The following TNFAIP8L3 variants were observed in gnomAD, a reference collection of about 807,000 sequenced individuals.
TNFAIP8L3 encodes the protein tumor necrosis factor alpha-induced protein 8-like protein 3.
A neutral mutation model predicts 11.8 loss-of-function variants in TNFAIP8L3; 7 were observed. The observed-to-expected ratio is 0.59, with a 90% CI of 0.34 to 1.11. TNFAIP8L3 has a LOEUF of 1.11. TNFAIP8L3 is among the 50% of genes most tolerant of loss of function. The pLI is 0.03. For missense variants in TNFAIP8L3, 219 were observed against 258.6 expected (o/e 0.85, Z 1.05); for synonymous variants, 98 against 103.8 (o/e 0.94, Z 0.34).
At position 51,058,450 on chromosome 15, in the gene TNFAIP8L3, T is replaced by G; in HGVS notation, c.53-7A>C. On this transcript the variant is annotated splice_polypyrimidine_tract_variant and splice_region_variant and intron_variant, in intron 1 of 1. Transcript: ENST00000637513. Reference sequence around the variant, plus strand: ...GAACTAAAAACATCAGGACCTATGGTAAAAAAAATATATATAAAAGTTTTA... The same window carrying G: ...GAACTAAAAACATCAGGACCTATGGGAAAAAAAATATATATAAAAGTTTTA... The G allele has an allele frequency of 6.7e-7, 1 of 1,497,672 alleles. No homozygotes were observed. Among genetic ancestry groups the G allele is most frequent in the East Asian group, 2.4e-5 (1 of 42,260 alleles). 92.8% of individuals were successfully genotyped at this position (1,497,672 alleles called of 1,614,324 possible).
intron 1 of TNFAIP8L3, among the ~76,000 whole-genome samples, chr15:51,090,463 G>A (rs1407294048): frequency 6.6e-6 from 1 of 152,124 alleles, no homozygotes; most frequent in African/African-American, 2.4e-5. Context: ...AATCATGGGG[G>A]CTCCAGAAGC....
intron 1 of TNFAIP8L3, among the ~76,000 whole-genome samples, chr15:51,062,252 T>C (rs1052392036): frequency 2.0e-5 from 3 of 151,850 alleles, no homozygotes; most frequent in Non-Finnish European, 2.9e-5. Context: ...CCAGCCTGTG[T>C]GACAGAGTGA....
At chr15:51,104,670 C>T (rs1335726394) in intron 1 of TNFAIP8L3, among the ~76,000 whole-genome samples, 2 of 152,352 alleles carry the variant, frequency 1.3e-5, no homozygotes, top group East Asian at 3.9e-4. Flanking sequence ...GAGGTTTTGG[C>T]TCTCTGACCT....
intron 1 of TNFAIP8L3, among the ~76,000 whole-genome samples, chr15:51,085,921 A>G (rs1395979261): frequency 2.0e-5 from 3 of 152,188 alleles, no homozygotes; most frequent in Non-Finnish European, 4.4e-5. Flanking sequence ...ATGAGCTTGC[A>G]CTTTTTTGGT....
chr15:51,094,519 C>T lies in TNFAIP8L3; in HGVS notation c.52+25G>A, dbSNP rs1223247454. 2 of 1,479,170 alleles carry T rather than the reference C, an allele frequency of 1.4e-6. No homozygotes were observed. The highest frequency in any genetic ancestry group is 2.2e-5 in the Admixed American group (1 of 44,892). The allele number at this position is 1,479,170 out of a possible 1,614,324, so 91.6% of individuals were successfully genotyped here. ...TCCTCCCCAGCCCCAGCCCACCCGC[C>T]TGGGCCGTCGCGGCCCCTAGGTACC... On this transcript the variant is annotated intron_variant, in intron 1 of 1. Transcript: ENST00000637513. This position sits in a 1 kb window ranked among gnomAD's most constrained non-coding sequence, Gnocchi z 4.4.
chr15:51,059,244 C>T (rs753752133), intron 1 of TNFAIP8L3, among the ~76,000 whole-genome samples: 18 of 152,088 alleles, frequency 1.2e-4, no homozygotes, highest in Non-Finnish European at 2.5e-4. Flanking sequence ...GAAAACCAGA[C>T]CCAATTTATT....
intron 1 of TNFAIP8L3, among the ~76,000 whole-genome samples, chr15:51,065,345 T>C (rs1443366918): frequency 6.6e-6 from 1 of 152,166 alleles, no homozygotes; most frequent in Non-Finnish European, 1.5e-5. Flanking sequence ...CTTCACTGCA[T>C]GGAAAAGTGC....
intron 1 of TNFAIP8L3, among the ~76,000 whole-genome samples, chr15:51,087,397 G>C (rs2065437198): frequency 6.6e-6 from 1 of 152,224 alleles, no homozygotes; most frequent in South Asian, 2.1e-4. Flanking sequence ...CAAATCAGGA[G>C]TGTGGGATGT....
chr15:51,066,917 CT>C (rs2065275556), intron 1 of TNFAIP8L3, among the ~76,000 whole-genome samples: 1 of 152,150 alleles, frequency 6.6e-6, no homozygotes, highest in Non-Finnish European at 1.5e-5. Flanking sequence ...TTGTATAAAA[CT>C]GTTGTTTGTA....
At chr15:51,087,332 A>G (rs1321719985) in intron 1 of TNFAIP8L3, among the ~76,000 whole-genome samples, 1 of 151,792 alleles carries the variant, frequency 6.6e-6, no homozygotes, top group African/African-American at 2.4e-5. Flanking sequence ...CCCCTCACCT[A>G]CCTCCCGTAT....
intron 1 of TNFAIP8L3, among the ~76,000 whole-genome samples, chr15:51,062,948 T>A (rs574374702): frequency 6.6e-6 from 1 of 152,058 alleles, no homozygotes; most frequent in Admixed American, 6.6e-5. Flanking sequence ...GAAAGAGATG[T>A]GATGATGAAA....
At chr15:51,086,429 G>C (rs1367265637) in intron 1 of TNFAIP8L3, among the ~76,000 whole-genome samples, 1 of 152,214 alleles carries the variant, frequency 6.6e-6, no homozygotes, top group Non-Finnish European at 1.5e-5. Context: ...CTTAAAGCAG[G>C]CCTTTGTGGA....
At chr15:51,088,490 C>A (rs1595617721) in intron 1 of TNFAIP8L3, among the ~76,000 whole-genome samples, 1 of 152,182 alleles carries the variant, frequency 6.6e-6, no homozygotes, top group Non-Finnish European at 1.5e-5. Flanking sequence ...TGGCTACAAA[C>A]CTCTGGAAGG....
chr15:51,093,971 G>A (rs1024330511), intron 1 of TNFAIP8L3, among the ~76,000 whole-genome samples: 1 of 152,148 alleles, frequency 6.6e-6, no homozygotes, highest in East Asian at 1.9e-4. Context: ...ACCAGTCCGC[G>A]GGGACCTTCT....
At chr15:51,096,422 G>A (rs1009998545), upstream of TNFAIP8L3, among the ~76,000 whole-genome samples, 9 of 152,166 alleles carry the variant, frequency 5.9e-5, no homozygotes, top group Admixed American at 1.3e-4. Flanking sequence ...TTCCTCAAGT[G>A]TTGGTGTCTC....
chr15:51,101,429 C>T (rs922319578), intron 1 of TNFAIP8L3, among the ~76,000 whole-genome samples: 4 of 152,092 alleles, frequency 2.6e-5, no homozygotes, highest in African/African-American at 9.7e-5. Flanking sequence ...CGAGACCAGC[C>T]TGATCAACAT....
At chr15:51,073,202 G>A (rs146103468) in intron 1 of TNFAIP8L3, among the ~76,000 whole-genome samples, 4,273 of 152,104 alleles carry the variant, frequency 0.028, 69 homozygotes, top group Non-Finnish European at 0.038. Flanking sequence ...CTCCATGTTG[G>A]TCAGGCTGGT....
intron 1 of TNFAIP8L3, among the ~76,000 whole-genome samples, chr15:51,079,855 C>CAAA (rs10602536): frequency 2.2e-3 from 168 of 77,510 alleles, no homozygotes; most frequent in Middle Eastern, 7.8e-3. Context: ...GACTTTGTCT[C>CAAA]AAAAAAAAAA....
At chr15:51,077,123 C>T (rs1399253128) in intron 1 of TNFAIP8L3, among the ~76,000 whole-genome samples, 5 of 152,192 alleles carry the variant, frequency 3.3e-5, no homozygotes, top group African/African-American at 1.2e-4. Flanking sequence ...AAATGCTGCT[C>T]CCTCCCCTGT....
Sources: gnomAD v4.1 joint callset for allele counts (sites outside exome capture counted in the v4.1 genomes callset) on GRCh38, gnomAD v4.1.1 for gene constraint, Gnocchi (gnomAD v3.1) non-coding constraint, MANE v1.5 for transcripts, NCBI Gene and HGNC (gene_info 2026-07-23, HGNC 2026-07-21) for gene names.